ENTPD7: variants seen among roughly 807,000 people sequenced by gnomAD.
ENTPD7 encodes NTPDase 7.
ENTPD7 carries 53 observed loss-of-function variants against 77.9 expected under a neutral mutation model. That is an observed-to-expected ratio of 0.68 (90% CI 0.55 to 0.85). The LOEUF (loss-of-function observed/expected upper bound fraction) is 0.85. Among genes scored for constraint, ENTPD7 ranks in the 40% least tolerant of loss-of-function variants. ENTPD7 has a pLI of 0.00. For synonymous variants in ENTPD7, 248 were observed against 274.9 expected (o/e 0.90, Z 0.97); for missense variants, 636 against 743.7 (o/e 0.86, Z 1.68).
intron 10 of ENTPD7, 105 bp downstream of exon 10, chr10:99,698,963 C>A: frequency 9.2e-7 from 1 of 1,089,268 alleles, no homozygotes; most frequent in Non-Finnish European, 1.3e-6. Flanking sequence ...CAGAATCTCA[C>A]TTGTTCTTTG....
intron 3 of ENTPD7, among the ~76,000 whole-genome samples, chr10:99,664,529 A>G (rs1334689439): frequency 2.0e-5 from 3 of 148,234 alleles, no homozygotes; most frequent in Non-Finnish European, 4.4e-5. Context: ...AGCTCACTGC[A>G]TCCTCTGCCT....
At chr10:99,693,656 G>A (rs1026138877) in intron 8 of ENTPD7, among the ~76,000 whole-genome samples, 5 of 152,172 alleles carry the variant, frequency 3.3e-5, no homozygotes, top group African/African-American at 1.2e-4. Flanking sequence ...GGTGGCTGAC[G>A]CCTGTAATCC....
intron 2 of ENTPD7, chr10:99,660,472 C>A: frequency 1.4e-6 from 1 of 705,346 alleles, no homozygotes; most frequent in South Asian, 1.5e-5. Flanking sequence ...GGGAAAGATG[C>A]AGAACAGCAG....
At chr10:99,674,102 G>C (rs967724328) in intron 3 of ENTPD7, among the ~76,000 whole-genome samples, 3 of 152,152 alleles carry the variant, frequency 2.0e-5, no homozygotes, top group African/African-American at 7.2e-5. Context: ...TTGGGTAGAG[G>C]CTTTTTAAGA....
intron 9 of ENTPD7, among the ~76,000 whole-genome samples, chr10:99,696,884 G>A (rs2035994087): frequency 6.6e-6 from 1 of 152,210 alleles, no homozygotes; most frequent in South Asian, 2.1e-4. Context: ...GGGCAGGGAG[G>A]ATGGCCAGCA....
rs373829682 is a variant in ENTPD7 at position 99,675,851 on chromosome 10, C to T, written c.192-3410C>T. Among the ~76,000 whole-genome samples, 205 of 152,192 alleles carry T rather than the reference C, an allele frequency of 1.3e-3. 1 individual carries two copies. The highest frequency in any genetic ancestry group is 4.8e-3 in the African/African-American group (201 of 41,526). On this transcript the variant is annotated intron_variant, in intron 3 of 12. Coordinates refer to ENST00000370489, the MANE Select transcript of ENTPD7 (RefSeq NM_020354.5). The stretch of plus-strand genomic sequence containing the variant: ...GACCTCATGATCCACCCACCTCGGC[C>T]TCCCAAAGTGCTGCGATTACAGGCA...
Position 99,702,459 on chromosome 10 carries a change from A to G in ENTPD7, c.1422-53A>G, listed in dbSNP as rs534106061. The G allele has an allele frequency of 6.1e-5, 88 of 1,448,668 alleles. 1 individual carries two copies. In the South Asian group the frequency reaches 1.2e-3, roughly 20 times the overall value. 89.7% of individuals were successfully genotyped at this position (1,448,668 alleles called of 1,614,324 possible). On this transcript the variant is annotated intron_variant, in intron 11 of 12. Coordinates refer to ENST00000370489, the MANE Select transcript of ENTPD7 (RefSeq NM_020354.5). Reference sequence around the variant, plus strand: ...TACGGAGTGGCTTATTGCAAAGGAAAGTATTAGAATTCTTTTCTCTTTTTT... The same window carrying G: ...TACGGAGTGGCTTATTGCAAAGGAAGGTATTAGAATTCTTTTCTCTTTTTT...
intron 3 of ENTPD7, among the ~76,000 whole-genome samples, chr10:99,662,918 T>C (rs1009415311): frequency 2.0e-5 from 3 of 152,234 alleles, no homozygotes; most frequent in African/African-American, 7.2e-5. Flanking sequence ...AACACCAAGG[T>C]TGACATGTTC....
chr10:99,664,141 G>T (rs1440131655), intron 3 of ENTPD7, among the ~76,000 whole-genome samples: 2 of 151,952 alleles, frequency 1.3e-5, no homozygotes, highest in Non-Finnish European at 2.9e-5. Flanking sequence ...TGCACAGAAG[G>T]TCTATATTTC....
In ENTPD7 at chr10:99,702,649, A is replaced by G. The variant is rs1014848301; in HGVS notation, c.1559A>G (p.Tyr520Cys). 3 of 1,612,342 alleles carry G rather than the reference A, an allele frequency of 1.9e-6. No individual in the cohort carries two copies. Among genetic ancestry groups the G allele is most frequent in the African/African-American group, 1.3e-5 (1 of 74,816 alleles). The part of the protein sequence containing the change: ...EVQWTLGAIL[Y>C]KTRFLPLRDL... ...CAGTGGACGCTGGGAGCCATTCTAT[A>G]TAAAACACGATTCTTACCACTCAGG... Residue 520 changes from tyrosine (Y) to cysteine (C), a missense_variant, in exon 12 of 13, where the codon TAT becomes TGT. This residue lies in a region of ENTPD7 where 138 missense variants were observed against 150.9 expected (regional missense o/e 0.91). Coordinates refer to ENST00000370489, the MANE Select transcript of ENTPD7 (RefSeq NM_020354.5).
At position 99,702,011 on chromosome 10, in the gene ENTPD7, T is replaced by TGCACTCCA. The variant is rs563230507; in HGVS notation, c.1422-498_1422-491dup. On this transcript the variant is annotated intron_variant, in intron 11 of 12. Coordinates refer to ENST00000370489, the MANE Select transcript of ENTPD7 (RefSeq NM_020354.5). ...TTGTAGTGAGCTGAGATCGCGCCAC[T>TGCACTCCA]GCACTCCAGCGTGGGTGACAGAGTG... 5.5e-3 allele frequency among the ~76,000 whole-genome samples: 831 copies of TGCACTCCA among 152,080 alleles called. 8 individuals carry two copies. The highest frequency in any genetic ancestry group is 0.014 in the African/African-American group (575 of 41,476).
intron 3 of ENTPD7, among the ~76,000 whole-genome samples, chr10:99,666,488 C>G (rs1469769733): frequency 6.6e-6 from 1 of 152,186 alleles, no homozygotes; most frequent in Non-Finnish European, 1.5e-5. Context: ...GGGTTACAGG[C>G]ATGAGCCATC....
At chr10:99,667,677 G>T (rs565446703) in intron 3 of ENTPD7, among the ~76,000 whole-genome samples, 27 of 152,274 alleles carry the variant, frequency 1.8e-4, no homozygotes, top group African/African-American at 6.0e-4. Context: ...GTTCTCACTT[G>T]TCTCAGAACA....
In ENTPD7 at chr10:99,659,770, G is replaced by A. The variant is rs2035452953; in HGVS notation, c.-95-92G>A. On this transcript the variant is annotated intron_variant, in intron 1 of 12. Transcript: ENST00000370489. This position sits in a 1 kb window ranked among gnomAD's most constrained non-coding sequence, Gnocchi z 4.1. ...TGAGGAACCAGAGCAGACGGAGCGG[G>A]AGCCTGGGGAGGAGGTGGGAGCCGT... 7 of 726,050 alleles carry A rather than the reference G, an allele frequency of 9.6e-6. No homozygotes were observed. The highest frequency in any genetic ancestry group is 9.3e-5 in the South Asian group (5 of 53,668). The allele number at this position is 726,050 out of a possible 1,614,324, so 45.0% of individuals were successfully genotyped here.
rs555177484 is a variant in ENTPD7 at position 99,691,393 on chromosome 10, G to A, written c.718G>A (p.Ala240Thr). ...GRFDHEDESDAEATQELAAGR... is the reference protein window; with the variant it reads ...GRFDHEDESDTEATQELAAGR... ...TCTCTTATTTATTTCAGAATCAGAT[G>A]CTGAGGCTACCCAGGAATTGGCAGC... The change falls in exon 8 of 13, where the codon GCT (alanine) becomes ACT (threonine). Residue 240 changes from alanine (A) to threonine (T), a missense_variant. Physicochemically the swap from Ala to Thr is moderately conservative, Grantham distance 58 (BLOSUM62 0). Transcript: ENST00000370489. The A allele has an allele frequency of 1.2e-6, 2 of 1,613,324 alleles. No individual in the cohort carries two copies. Among genetic ancestry groups the A allele is most frequent in the Admixed American group, 1.7e-5 (1 of 59,876 alleles).
At chr10:99,695,129 G>GA (rs1385884335) in intron 8 of ENTPD7, among the ~76,000 whole-genome samples, 2 of 152,102 alleles carry the variant, frequency 1.3e-5, no homozygotes, top group African/African-American at 4.8e-5. Flanking sequence ...TGAGGTTCAA[G>GA]AAAAAAATAT....
chr10:99,660,879 G>A (rs111384276), intron 2 of ENTPD7, among the ~76,000 whole-genome samples: 5,306 of 151,198 alleles, frequency 0.035, 137 homozygotes, highest in Admixed American at 0.06. Context: ...CTGAGATTGC[G>A]CTACTACACT....
chr10:99,686,850 C>CTT (rs1163756963), intron 6 of ENTPD7, among the ~76,000 whole-genome samples: 1 of 140,246 alleles, frequency 7.1e-6, no homozygotes, highest in African/African-American at 2.6e-5. Context: ...TCAAAGAGAA[C>CTT]TTTTTTTTTT....
intron 3 of ENTPD7, among the ~76,000 whole-genome samples, chr10:99,677,789 GTTCTGCTAT>G (rs2035703860): frequency 6.6e-6 from 1 of 152,204 alleles, no homozygotes; most frequent in Non-Finnish European, 1.5e-5. Flanking sequence ...CGGCAGCACA[GTTCTGCTAT>G]GTGTATGATC....
Sources: allele counts gnomAD v4.1 joint callset (sites outside exome capture counted in the v4.1 genomes callset), GRCh38; gene constraint gnomAD v4.1.1; regional missense constraint gnomAD v4.1.1; non-coding constraint Gnocchi (gnomAD v3.1); transcripts MANE v1.5; gene names NCBI Gene and HGNC (gene_info 2026-07-23, HGNC 2026-07-21).